Variants in SYTL2 observed in about 807,000 individuals in gnomAD.
SYTL2 encodes the protein synaptotagmin-like protein 2.
Under a neutral mutation model 198.7 loss-of-function variants are expected in SYTL2, and 165 were observed. That is an observed-to-expected ratio of 0.83 (90% CI 0.73 to 0.94). The LOEUF is 0.94. Ranked by LOEUF, SYTL2 falls within the 40% of genes least tolerant of loss-of-function variation. The probability of loss-of-function intolerance (pLI) is 0.00; values close to 1 mark genes in which losing one functional copy is unlikely to be tolerated. For missense variants in SYTL2, 2,835 were observed against 2,582.8 expected, an observed-to-expected ratio of 1.10 and a Z score of -2.12; for synonymous variants, 966 against 917.7, an observed-to-expected ratio of 1.05 and a Z score of -0.95.
chr11:85,845,551 C>T, the SYTL2 span, among the ~76,000 whole-genome samples: 3 of 152,090 alleles, frequency 2.0e-5, no homozygotes, highest in Middle Eastern at 3.4e-3. Context: ...TCACTTGAGC[C>T]TAGGAGTTCA....
intron 9 of SYTL2, among the ~76,000 whole-genome samples, chr11:85,720,266 C>T (rs79628503): frequency 0.13 from 20,409 of 152,086 alleles, 1,784 homozygotes; most frequent in Non-Finnish European, 0.17. Context: ...AATTCAACTC[C>T]GTATCATGCA....
intron 1 of SYTL2, among the ~76,000 whole-genome samples, chr11:85,778,984 C>G (rs2092509036): frequency 2.0e-5 from 3 of 151,928 alleles, no homozygotes; most frequent in Admixed American, 1.3e-4. Context: ...TCTCAAGAAA[C>G]AAATACATGA....
chr11:85,749,305 T>C (rs2091368338), intron 2 of SYTL2, among the ~76,000 whole-genome samples: 1 of 152,192 alleles, frequency 6.6e-6, no homozygotes, highest in Admixed American at 6.5e-5. Flanking sequence ...TAAAGTGGAA[T>C]AAAAGCTGTA....
intron 2 of SYTL2, among the ~76,000 whole-genome samples, chr11:85,749,866 G>T (rs613973): frequency 1.1e-4 from 17 of 151,964 alleles, no homozygotes; most frequent in Admixed American, 2.6e-4. Flanking sequence ...GTGAGTTCCT[G>T]GGGGCAGGGT....
intron 1 of SYTL2, among the ~76,000 whole-genome samples, chr11:85,781,045 A>G (rs1426398506): frequency 6.6e-6 from 1 of 152,228 alleles, no homozygotes; most frequent in Non-Finnish European, 1.5e-5. Context: ...TGGTGAGTAG[A>G]GAATAGGAAG....
intron 1 of SYTL2, among the ~76,000 whole-genome samples, chr11:85,766,544 T>C (rs1230313879): frequency 6.6e-6 from 1 of 152,196 alleles, no homozygotes; most frequent in Admixed American, 6.5e-5. Context: ...TTTTATTAAC[T>C]ACACAGCTTG....
At chr11:85,823,495 T>G in the SYTL2 span, among the ~76,000 whole-genome samples, 2 of 152,250 alleles carry the variant, frequency 1.3e-5, no homozygotes, top group African/African-American at 4.8e-5. Flanking sequence ...GGTAAAGATA[T>G]AGTTTACCCA....
chr11:85,845,914 C>CA, the SYTL2 span, among the ~76,000 whole-genome samples: 142 of 150,800 alleles, frequency 9.4e-4, 1 homozygote, highest in East Asian at 7.8e-3. Context: ...GACTCTGTCT[C>CA]AAAAAAAAAT....
chr11:85,832,521 A>G, the SYTL2 span, among the ~76,000 whole-genome samples: 13 of 152,220 alleles, frequency 8.5e-5, no homozygotes, highest in Non-Finnish European at 1.9e-4. Flanking sequence ...GAAGAGAGTC[A>G]CTGAAATATA....
Position 85,694,679 on chromosome 11 carries a change from T to C in SYTL2, c.*516A>G, listed in dbSNP as rs2083182405. 6.6e-6 allele frequency: 1 copy of C among 151,508 alleles called. No homozygotes were observed. Among genetic ancestry groups the C allele is most frequent in the South Asian group, 2.1e-4 (1 of 4,800 alleles). The allele number at this position is 151,508 out of a possible 1,614,324, so 9.4% of individuals were successfully genotyped here. ...CCCTAATATGGAATTCCATATTTTA[T>C]TAGAGATTACAGAGTAAATAGTTTC... is the stretch of plus-strand genomic sequence containing the variant. On this transcript the variant is annotated 3_prime_UTR_variant, in exon 20 of 20. Coordinates refer to ENST00000359152, the MANE Select transcript of SYTL2 (RefSeq NM_206927.4).
At chr11:85,797,308 C>T (rs901376007) in intron 1 of SYTL2, among the ~76,000 whole-genome samples, 22 of 152,090 alleles carry the variant, frequency 1.4e-4, no homozygotes, top group Non-Finnish European at 2.8e-4. Context: ...CTGTAAAGTT[C>T]TATACAAATG....
chr11:85,740,565 TTC>T (rs1234887467), intron 4 of SYTL2, among the ~76,000 whole-genome samples: 2 of 152,212 alleles, frequency 1.3e-5, no homozygotes, highest in African/African-American at 4.8e-5. Flanking sequence ...ATACTGTGTC[TTC>T]TGTTTCTTAG....
intron 7 of SYTL2, among the ~76,000 whole-genome samples, chr11:85,732,149 T>C (rs1435492672): frequency 1.3e-5 from 2 of 151,980 alleles, no homozygotes; most frequent in Non-Finnish European, 2.9e-5. Context: ...TTGGTGGGAG[T>C]GTAAATGAGT....
chr11:85,694,714 AT>A lies in SYTL2; in HGVS notation c.*480del, dbSNP rs11424605. On this transcript the variant is annotated 3_prime_UTR_variant, in exon 20 of 20. Transcript: ENST00000359152. ...CAGAGTAAATAGTTTCTTAAGGTCC[AT>A]TTTTTTTTTTATCATCACTGATGTC... The A allele has an allele frequency of 2.9e-4, 44 of 149,472 alleles. 1 individual carries two copies. In the East Asian group the frequency reaches 3.5e-3, roughly 12 times the overall value. The allele number at this position is 149,472 out of a possible 1,614,324, so 9.3% of individuals were successfully genotyped here. A position where few individuals can be genotyped will look rare whatever the true frequency, so the allele number is the denominator to read the frequency against.
chr11:85,828,984 G>C, the SYTL2 span, among the ~76,000 whole-genome samples: 31 of 151,924 alleles, frequency 2.0e-4, no homozygotes, highest in Non-Finnish European at 4.3e-4. Flanking sequence ...AGTGGTGCTT[G>C]GGAAGCCACC....
chr11:85,724,465 T>C lies in SYTL2; in HGVS notation c.4893A>G (p.Gln1631=), dbSNP rs1441002202. 6.2e-7 allele frequency: 1 copy of C among 1,613,072 alleles called. No individual in the cohort carries two copies. The highest frequency in any genetic ancestry group is 8.5e-7 in the Non-Finnish European group (1 of 1,179,824). The part of the protein sequence containing the change: ...MKDKSNGLES[Q]VNQCDKMLGG... Reference sequence around the variant, plus strand: ...CCAACATTTTATCACATTGGTTGACTTGAGATTCCAAACCATTACTTTTAT... The same window carrying C: ...CCAACATTTTATCACATTGGTTGACCTGAGATTCCAAACCATTACTTTTAT... Residue 1631 remains glutamine (Q), a synonymous_variant, in exon 8 of 20, where the codon CAA becomes CAG. Coordinates refer to ENST00000359152, the MANE Select transcript of SYTL2 (RefSeq NM_206927.4).
intron 13 of SYTL2, 119 bp downstream of exon 13, chr11:85,710,994 G>A: frequency 9.0e-7 from 1 of 1,111,344 alleles, no homozygotes; most frequent in Non-Finnish European, 1.3e-6. Flanking sequence ...TTATGGATTA[G>A]AGAAACTGTT....
At chr11:85,833,094 A>AGAAAGAAG in the SYTL2 span, among the ~76,000 whole-genome samples, 6 of 34,424 alleles carry the variant, frequency 1.7e-4, no homozygotes, top group South Asian at 2.0e-3. Context: ...AAAGAAAGAA[A>AGAAAGAAG]GAAAGAAGGA....
chr11:85,851,589 G>A, the SYTL2 span, among the ~76,000 whole-genome samples: 1 of 152,202 alleles, frequency 6.6e-6, no homozygotes, highest in Non-Finnish European at 1.5e-5. Flanking sequence ...GTCAAATGAG[G>A]AAACTCAGCA....
Sources: allele counts gnomAD v4.1 joint callset (sites outside exome capture counted in the v4.1 genomes callset), GRCh38; gene constraint gnomAD v4.1.1; transcripts MANE v1.5; gene names NCBI Gene and HGNC (gene_info 2026-07-23, HGNC 2026-07-21).